Variants in FGD4 observed in about 807,000 individuals in gnomAD.
The protein encoded by FGD4 is FYVE, RhoGEF and PH domain-containing protein 4.
In FGD4, 42 loss-of-function variants were observed where a neutral mutation model predicts 102.0. The observed-to-expected ratio is 0.41, with a 90% CI of 0.32 to 0.53. The LOEUF (loss-of-function observed/expected upper bound fraction) is 0.53. Among genes scored for constraint, FGD4 ranks in the 20% least tolerant of loss-of-function variants. The pLI is 0.21. For synonymous variants in FGD4, 380 were observed against 375.7 expected, an observed-to-expected ratio of 1.01 and a Z score of -0.13; for missense variants, 902 against 1,078.2, an observed-to-expected ratio of 0.84 and a Z score of 2.29.
At chr12:32,511,856 C>A (rs1939409104) in intron 1 of FGD4, 1 of 151,908 alleles carries the variant, frequency 6.6e-6, no homozygotes, top group Non-Finnish European at 1.5e-5. Context: ...GCCATACCAC[C>A]CGGAATGTGC....
At chr12:32,435,093 G>A (rs572777912) in intron 1 of FGD4, among the ~76,000 whole-genome samples, 107 of 152,126 alleles carry the variant, frequency 7.0e-4, no homozygotes, top group African/African-American at 2.0e-3. Flanking sequence ...ACAGGCATGC[G>A]CCACCACGCC....
At chr12:32,414,984 CATT>C (rs1026069910) in intron 1 of FGD4, among the ~76,000 whole-genome samples, 1 of 152,058 alleles carries the variant, frequency 6.6e-6, no homozygotes, top group Non-Finnish European at 1.5e-5. Context: ...GTTGTGTTTC[CATT>C]ATTATTGTTT....
intron 1 of FGD4, among the ~76,000 whole-genome samples, chr12:32,507,913 C>T (rs1053163601): frequency 6.6e-6 from 1 of 152,166 alleles, no homozygotes; most frequent in Non-Finnish European, 1.5e-5. Context: ...ATTTGCTACT[C>T]TTAGTAGTGA....
At chr12:32,613,293 C>A (rs983502345) in intron 10 of FGD4, among the ~76,000 whole-genome samples, 1 of 152,154 alleles carries the variant, frequency 6.6e-6, no homozygotes, top group Non-Finnish European at 1.5e-5. Context: ...AATTGTCATG[C>A]AGAGGGGTGT....
chr12:32,528,358 T>G (rs1941469918), intron 1 of FGD4, among the ~76,000 whole-genome samples: 2 of 152,204 alleles, frequency 1.3e-5, no homozygotes, highest in Admixed American at 1.3e-4. Context: ...TAAAATGGCA[T>G]AGTGTTTGCA....
At chr12:32,423,570 C>A (rs1174672641) in intron 1 of FGD4, among the ~76,000 whole-genome samples, 14 of 120,332 alleles carry the variant, frequency 1.2e-4, no homozygotes, top group Admixed American at 5.3e-4. Flanking sequence ...CCAGCCTGGG[C>A]AACAGAGTGA....
At chr12:32,432,140 A>G (rs1048081957) in intron 1 of FGD4, among the ~76,000 whole-genome samples, 2 of 149,168 alleles carry the variant, frequency 1.3e-5, no homozygotes, top group African/African-American at 4.9e-5. Context: ...GCTCACTGCA[A>G]GCTCTGCCTC....
chr12:32,534,240 A>G (rs1003134613), intron 1 of FGD4: 4 of 1,208,922 alleles, frequency 3.3e-6, no homozygotes, highest in African/African-American at 3.1e-5. Context: ...AATGTACTGC[A>G]GCAGTCCGTC....
chr12:32,497,648 G>A (rs16919947), intron 1 of FGD4, among the ~76,000 whole-genome samples: 25,589 of 151,930 alleles, frequency 0.17, 3,072 homozygotes, highest in African/African-American at 0.34. Context: ...AAGGAGTTTC[G>A]GAAAGCACGG....
At position 32,471,225 on chromosome 12, in the gene FGD4, A is replaced by G. The variant is rs374027662; in HGVS notation, c.166+71266A>G. 4.7e-4 allele frequency among the ~76,000 whole-genome samples: 72 copies of G among 152,202 alleles called. No individual in the cohort carries two copies. The East Asian group carries it at 7.5e-3, about 16-fold the overall frequency. On this transcript the variant is annotated intron_variant, in intron 1 of 16. Coordinates refer to ENST00000534526, the MANE Select transcript of FGD4 (RefSeq NM_001370298.3). ...TTGGTTCTGAGGCTTTTGGGCTTCA[A>G]CTGAGCCAGGCACTGGCATCCCTGG...
intron 1 of FGD4, among the ~76,000 whole-genome samples, chr12:32,493,882 G>C (rs1937624298): frequency 6.6e-6 from 1 of 152,216 alleles, no homozygotes. Flanking sequence ...ATTTTCGATA[G>C]GGTGGTGGGG....
intron 4 of FGD4, among the ~76,000 whole-genome samples, chr12:32,597,243 A>G (rs1200838884): frequency 6.6e-6 from 1 of 152,216 alleles, no homozygotes; most frequent in Non-Finnish European, 1.5e-5. Flanking sequence ...TAATCAGATC[A>G]TTTGATAGCT....
At position 32,642,919 on chromosome 12, in the gene FGD4, C is replaced by G. The variant is rs777955910; in HGVS notation, c.*2386C>G. 6.6e-6 allele frequency: 1 copy of G among 152,486 alleles called. No homozygotes were observed. The highest frequency in any genetic ancestry group is 1.5e-5 in the Non-Finnish European group (1 of 67,928). 9.4% of individuals were successfully genotyped at this position (152,486 alleles called of 1,614,324 possible). On this transcript the variant is annotated 3_prime_UTR_variant, in exon 17 of 17. Coordinates refer to ENST00000534526, the MANE Select transcript of FGD4 (RefSeq NM_001370298.3). The stretch of plus-strand genomic sequence containing the variant: ...AAGTGTGATTGATGATAAGAATAAT[C>G]AATGCCTTTTCCCTTCCAACATACT...
rs1319024885 is a variant in FGD4, at chr12:32,466,542, T to C, written c.166+66583T>C. On this transcript the variant is annotated intron_variant, in intron 1 of 16. Transcript: ENST00000534526. ...TGCTCAAAGCTCACTGATTTAATGT[T>C]ATCCAAAATACCTTCCAACTTGACA... 2.0e-5 allele frequency among the ~76,000 whole-genome samples: 3 copies of C among 152,066 alleles called. No homozygotes were observed. In the East Asian group the frequency reaches 5.8e-4, roughly 29 times the overall value.
At chr12:32,423,403 A>G (rs1030635586) in intron 1 of FGD4, among the ~76,000 whole-genome samples, 2 of 151,764 alleles carry the variant, frequency 1.3e-5, no homozygotes, top group South Asian at 4.2e-4. Context: ...CATCCTGGCC[A>G]ACATGGTTAA....
At chr12:32,490,700 T>C (rs1245381459) in intron 1 of FGD4, among the ~76,000 whole-genome samples, 1 of 152,168 alleles carries the variant, frequency 6.6e-6, no homozygotes, top group African/African-American at 2.4e-5. Context: ...CCTAGACTTA[T>C]TAGTCTTTTT....
rs145304390 is a variant in FGD4, at chr12:32,425,506, C to T, written c.166+25547C>T. Among the ~76,000 whole-genome samples the T allele has an allele frequency of 3.9e-4, 60 of 152,194 alleles. No individual in the cohort carries two copies. In the East Asian group the frequency reaches 0.011, roughly 27 times the overall value. On this transcript the variant is annotated intron_variant, in intron 1 of 16. Transcript: ENST00000534526. ...CAGTACAGTTTGAAGTCAGGTAGCA[C>T]GATGCCTCCAGCTTTGTTCTTTTGC...
In FGD4 at chr12:32,577,387, T is replaced by C. The variant is rs79511598; in HGVS notation, c.503+938T>C. Reference sequence around the variant, plus strand: ...CTTGTTAACCATTAGGGTGATTTTATTATTTATTTGTCGGATTTACTGTTA... The same window carrying C: ...CTTGTTAACCATTAGGGTGATTTTACTATTTATTTGTCGGATTTACTGTTA... On this transcript the variant is annotated intron_variant, in intron 3 of 16. Transcript: ENST00000534526. Among the ~76,000 whole-genome samples, 1,110 of 152,346 alleles carry C rather than the reference T, an allele frequency of 7.3e-3. 9 individuals are homozygous for C. Among genetic ancestry groups the C allele is most frequent in the Middle Eastern group, 0.031 (9 of 294 alleles).
intron 1 of FGD4, among the ~76,000 whole-genome samples, chr12:32,469,271 A>C (rs1224176162): frequency 6.6e-6 from 1 of 151,776 alleles, no homozygotes; most frequent in African/African-American, 2.4e-5. Context: ...AAAATTCCCT[A>C]ATTTGTTATC....
Sources: allele counts gnomAD v4.1 joint callset (sites outside exome capture counted in the v4.1 genomes callset), GRCh38; gene constraint gnomAD v4.1.1; transcripts MANE v1.5; gene names NCBI Gene and HGNC (gene_info 2026-07-23, HGNC 2026-07-21).